Variants in ALKBH8 observed in about 807,000 individuals in gnomAD.
The protein encoded by ALKBH8 is tRNA (carboxymethyluridine(34)-5-O)-methyltransferase ALKBH8.
A neutral mutation model predicts 59.8 loss-of-function variants in ALKBH8; 36 were observed. The observed-to-expected ratio is 0.60, with a 90% CI of 0.46 to 0.79. ALKBH8 has a LOEUF of 0.79. Ranked by LOEUF, ALKBH8 falls within the 30% of genes least tolerant of loss-of-function variation. ALKBH8 has a pLI of 0.00. For synonymous variants in ALKBH8, 276 were observed against 273.6 expected (o/e 1.01, Z -0.09); for missense variants, 768 against 801.0 (o/e 0.96, Z 0.50).
At chr11:107,536,448 AAG>A (rs746454983) in intron 7 of ALKBH8, among the ~76,000 whole-genome samples, 2 of 152,212 alleles carry the variant, frequency 1.3e-5, no homozygotes, top group Non-Finnish European at 2.9e-5. Context: ...GGCTGAAAGA[AAG>A]AGCTCAGAGT....
At chr11:107,554,732 G>C (rs1388649342) in intron 3 of ALKBH8, among the ~76,000 whole-genome samples, 1 of 152,106 alleles carries the variant, frequency 6.6e-6, no homozygotes, top group African/African-American at 2.4e-5. Context: ...TCAGAAACAT[G>C]AATAGTAAAT....
At chr11:107,559,239 A>G (rs973397404) in intron 2 of ALKBH8, among the ~76,000 whole-genome samples, 1 of 152,182 alleles carries the variant, frequency 6.6e-6, no homozygotes, top group South Asian at 2.1e-4. Context: ...AAAATTACCC[A>G]GTCTCGGGTA....
chr11:107,549,341 G>T (rs1037275460), intron 7 of ALKBH8, among the ~76,000 whole-genome samples: 1 of 152,124 alleles, frequency 6.6e-6, no homozygotes, highest in South Asian at 2.1e-4. Context: ...TGAAGGGATT[G>T]AATCAGGTAA....
chr11:107,559,188 C>G lies in ALKBH8; in HGVS notation c.129+1577G>C, dbSNP rs139990807. On this transcript the variant is annotated intron_variant, in intron 2 of 11. Transcript: ENST00000428149. ...TGCCACGATTGTGAGGCCTCCCCGG[C>G]CACGTGGAACTGTGGGTTCATTAAA... Among the ~76,000 whole-genome samples, 446 of 152,322 alleles carry G rather than the reference C, an allele frequency of 2.9e-3. 1 individual carries two copies. The highest frequency in any genetic ancestry group is 3.7e-3 in the Non-Finnish European group (251 of 68,038).
chr11:107,549,247 C>T (rs1864397418), intron 7 of ALKBH8, among the ~76,000 whole-genome samples: 1 of 152,098 alleles, frequency 6.6e-6, no homozygotes, highest in Non-Finnish European at 1.5e-5. Flanking sequence ...AGTGCAGCTA[C>T]AGAAACAAAT....
At chr11:107,554,907 AT>A (rs373665963) in intron 3 of ALKBH8, among the ~76,000 whole-genome samples, 1,550 of 152,342 alleles carry the variant, frequency 0.01, 23 homozygotes, top group African/African-American at 0.036. Context: ...AGAATTAAAA[AT>A]ATCTCTTCTA....
At chr11:107,509,416 T>C (rs1448087178) in intron 11 of ALKBH8, among the ~76,000 whole-genome samples, 2 of 152,196 alleles carry the variant, frequency 1.3e-5, no homozygotes, top group Non-Finnish European at 1.5e-5. Flanking sequence ...TTATCAGATA[T>C]ACAATTTGCA....
intron 3 of ALKBH8, among the ~76,000 whole-genome samples, chr11:107,556,154 T>G (rs1473295852): frequency 6.6e-6 from 1 of 152,198 alleles, no homozygotes; most frequent in African/African-American, 2.4e-5. Flanking sequence ...GGCACATGCC[T>G]GTAATCCCAG....
At position 107,504,570 on chromosome 11, in the gene ALKBH8, C is replaced by A; in HGVS notation, c.*88G>T. 6.7e-7 allele frequency: 1 copy of A among 1,484,598 alleles called. No homozygotes were observed. The highest frequency in any genetic ancestry group is 9.2e-7 in the Non-Finnish European group (1 of 1,090,912). The allele number at this position is 1,484,598 out of a possible 1,614,324, so 92.0% of individuals were successfully genotyped here. ...CCTTTGGTACTTTCCCACAAGTTTTCTCTTTAATTAAAAGGGTAATTAATT... is the reference window on the plus strand; with the variant it reads ...CCTTTGGTACTTTCCCACAAGTTTTATCTTTAATTAAAAGGGTAATTAATT... On this transcript the variant is annotated 3_prime_UTR_variant, in exon 12 of 12. Coordinates refer to ENST00000428149, the MANE Select transcript of ALKBH8 (RefSeq NM_138775.3).
At chr11:107,549,665 C>A (rs1565343095) in intron 7 of ALKBH8, 88 bp downstream of exon 7, 5 of 943,988 alleles carry the variant, frequency 5.3e-6, no homozygotes, top group Non-Finnish European at 7.5e-6. Context: ...AATCTTAATT[C>A]ATTTTCATTA....
At position 107,551,705 on chromosome 11, in the gene ALKBH8, AAATAATAAT is replaced by A. The variant is rs1031768573; in HGVS notation, c.700+94_700+102del. 5.8e-3 allele frequency: 1,779 copies of A among 305,084 alleles called. 94 individuals carry two copies. The highest frequency in any genetic ancestry group is 0.025 in the South Asian group (310 of 12,548). 18.9% of individuals were successfully genotyped at this position (305,084 alleles called of 1,614,324 possible). A position where few individuals can be genotyped will look rare whatever the true frequency, so the allele number is the denominator to read the frequency against. On this transcript the variant is annotated intron_variant, in intron 6 of 11. Transcript: ENST00000428149. ...GCGAAACTCCATCTCAAAAAAAAAAAAATAATAATAATAATAATAATAATATATCTGCCC... is the reference window on the plus strand; with the variant it reads ...GCGAAACTCCATCTCAAAAAAAAAAAAATAATAATAATAATATATCTGCCC...
chr11:107,543,079 C>T (rs1186125785), intron 7 of ALKBH8, among the ~76,000 whole-genome samples: 1 of 152,292 alleles, frequency 6.6e-6, no homozygotes, highest in East Asian at 1.9e-4. Flanking sequence ...AAGTTAAAAT[C>T]CCTTTTAGAA....
At chr11:107,533,697 G>C (rs1863691901) in intron 7 of ALKBH8, among the ~76,000 whole-genome samples, 1 of 152,028 alleles carries the variant, frequency 6.6e-6, no homozygotes, top group South Asian at 2.1e-4. Flanking sequence ...CATAAAAGAT[G>C]GACCAATAAA....
chr11:107,558,406 A>G (rs1332691866), intron 2 of ALKBH8, among the ~76,000 whole-genome samples: 1 of 152,214 alleles, frequency 6.6e-6, no homozygotes. Context: ...GACCTCACTT[A>G]ATGAGGTTTA....
chr11:107,507,378 A>G (rs1034079288), intron 11 of ALKBH8, among the ~76,000 whole-genome samples: 2 of 152,286 alleles, frequency 1.3e-5, no homozygotes, highest in African/African-American at 4.8e-5. Flanking sequence ...TGACTGATAC[A>G]TAGAGAAGTG....
chr11:107,509,758 G>C (rs1565311766), intron 11 of ALKBH8, among the ~76,000 whole-genome samples: 1 of 152,146 alleles, frequency 6.6e-6, no homozygotes, highest in Non-Finnish European at 1.5e-5. Flanking sequence ...TAGATATGTA[G>C]AGAAAGTTGG....
intron 2 of ALKBH8, among the ~76,000 whole-genome samples, chr11:107,560,316 T>C (rs1864886821): frequency 6.6e-6 from 1 of 152,134 alleles, no homozygotes; most frequent in Non-Finnish European, 1.5e-5. Flanking sequence ...ATAAAACAGG[T>C]TAAGGTTGGG....
At chr11:107,565,540 G>C (rs1865098792) in intron 1 of ALKBH8, 61 bp downstream of exon 1, 1 of 1,534,384 alleles carries the variant, frequency 6.5e-7, no homozygotes, top group Non-Finnish European at 8.7e-7. Context: ...ACCGGAAGAG[G>C]CTGAAAAGAG....
chr11:107,532,461 G>T, intron 7 of ALKBH8, 55 bp from the exon 8 acceptor site: 4 of 1,327,808 alleles, frequency 3.0e-6, no homozygotes, highest in South Asian at 1.2e-5. Flanking sequence ...ATACTCCAAG[G>T]ATAAGAATGA....
Sources: allele counts gnomAD v4.1 joint callset (sites outside exome capture counted in the v4.1 genomes callset), GRCh38; gene constraint gnomAD v4.1.1; transcripts MANE v1.5; gene names NCBI Gene and HGNC (gene_info 2026-07-23, HGNC 2026-07-21).